Variants in EXOC6B observed in about 807,000 individuals in gnomAD.
EXOC6B encodes the protein exocyst complex component 6B.
In EXOC6B, 54 loss-of-function variants were observed where a neutral mutation model predicts 113.5. That is an observed-to-expected ratio of 0.48 (90% CI 0.38 to 0.60). The LOEUF (loss-of-function observed/expected upper bound fraction) is 0.60, where lower values mean the gene tolerates loss of function less well. Ranked by LOEUF, EXOC6B falls within the 20% of genes least tolerant of loss-of-function variation. EXOC6B has a pLI of 0.00. For missense variants in EXOC6B, 797 were observed against 977.5 expected, an observed-to-expected ratio of 0.82 and a Z score of 2.46; for synonymous variants, 357 against 339.0, an observed-to-expected ratio of 1.05 and a Z score of -0.58.
At chr2:72,558,898 G>A (rs13008258) in intron 8 of EXOC6B, among the ~76,000 whole-genome samples, 129,306 of 152,182 alleles carry the variant, frequency 0.85, 55,503 homozygotes, top group East Asian at 0.99. Context: ...AAAAAAAATC[G>A]ATAATAGGCT....
intron 6 of EXOC6B, among the ~76,000 whole-genome samples, chr2:72,696,085 T>C (rs1389592957): frequency 2.0e-5 from 3 of 152,242 alleles, no homozygotes; most frequent in Non-Finnish European, 2.9e-5. Context: ...AATGATACCC[T>C]TCCTTACTCT....
intron 5 of EXOC6B, among the ~76,000 whole-genome samples, chr2:72,724,181 T>C (rs1680169752): frequency 6.6e-6 from 1 of 151,908 alleles, no homozygotes; most frequent in Non-Finnish European, 1.5e-5. Flanking sequence ...AAATTCCACA[T>C]GGATAGGTAA....
rs555244594 is a variant in EXOC6B, at chr2:72,705,719, A to G, written c.669+12384T>C. ...TCTGCACACACACTCATGCATGCGC[A>G]CACACACACACACACCCAATAAAAA... On this transcript the variant is annotated intron_variant, in intron 6 of 21. Coordinates refer to ENST00000272427, the MANE Select transcript of EXOC6B (RefSeq NM_015189.3). Among the ~76,000 whole-genome samples, 16 of 151,542 alleles carry G rather than the reference A, an allele frequency of 1.1e-4. No homozygotes were observed. The South Asian group carries it at 1.5e-3, about 14-fold the overall frequency.
intron 1 of EXOC6B, among the ~76,000 whole-genome samples, chr2:72,774,910 T>C (rs1683610646): frequency 6.6e-6 from 1 of 152,198 alleles, no homozygotes; most frequent in Admixed American, 6.5e-5. Context: ...CTCCCCTCCC[T>C]ACCAGGTTCA....
At chr2:72,566,516 T>C (rs1393488037) in intron 7 of EXOC6B, among the ~76,000 whole-genome samples, 1 of 152,142 alleles carries the variant, frequency 6.6e-6, no homozygotes, top group African/African-American at 2.4e-5. Flanking sequence ...TGAGTGAATA[T>C]GCTGGTTCAA....
At chr2:72,414,749 T>A (rs7604296) in intron 18 of EXOC6B, among the ~76,000 whole-genome samples, 32,132 of 152,186 alleles carry the variant, frequency 0.21, 6,429 homozygotes, top group African/African-American at 0.53. Flanking sequence ...AATACGATAC[T>A]CAACTCTACA....
At chr2:72,781,865 G>C (rs552130410) in intron 1 of EXOC6B, among the ~76,000 whole-genome samples, 1 of 152,020 alleles carries the variant, frequency 6.6e-6, no homozygotes, top group African/African-American at 2.4e-5. Context: ...TAGGCCAGGC[G>C]CAGTGGTTCG....
At chr2:72,459,615 G>A (rs1051307856) in intron 18 of EXOC6B, among the ~76,000 whole-genome samples, 57 of 152,054 alleles carry the variant, frequency 3.7e-4, no homozygotes, top group Admixed American at 5.9e-4. Flanking sequence ...ATTGCTTCAA[G>A]GAGAATAAAA....
chr2:72,599,857 G>A (rs1302179675), intron 6 of EXOC6B, among the ~76,000 whole-genome samples: 4 of 151,106 alleles, frequency 2.6e-5, no homozygotes, highest in Admixed American at 6.6e-5. Context: ...AAACCTATAC[G>A]AGGAAAACTA....
chr2:72,680,325 A>C (rs1475751475), intron 6 of EXOC6B, among the ~76,000 whole-genome samples: 1 of 152,204 alleles, frequency 6.6e-6, no homozygotes, highest in African/African-American at 2.4e-5. Context: ...ACTTCTCTTT[A>C]CCTATTTCCT....
chr2:72,272,193 G>A (rs773308139), intron 20 of EXOC6B, among the ~76,000 whole-genome samples: 4 of 152,138 alleles, frequency 2.6e-5, no homozygotes, highest in Non-Finnish European at 5.9e-5. Flanking sequence ...GTGCCAGGGG[G>A]TCACTAGGAG....
chr2:72,686,854 G>A lies in EXOC6B; in HGVS notation c.669+31249C>T, dbSNP rs545079927. Among the ~76,000 whole-genome samples, 26 of 152,052 alleles carry A rather than the reference G, an allele frequency of 1.7e-4. No individual in the cohort carries two copies. In the South Asian group the frequency reaches 3.7e-3, roughly 22 times the overall value. On this transcript the variant is annotated intron_variant, in intron 6 of 21. Coordinates refer to ENST00000272427, the MANE Select transcript of EXOC6B (RefSeq NM_015189.3). ...ACATACTAAAAATCATAAAACCTTC[G>A]CTTCAGCTGGGCGGTGGCTCATGTC... is the stretch of plus-strand genomic sequence containing the variant.
At chr2:72,228,269 T>C (rs1174531052) in intron 20 of EXOC6B, among the ~76,000 whole-genome samples, 1 of 151,726 alleles carries the variant, frequency 6.6e-6, no homozygotes, top group East Asian at 1.9e-4. Context: ...ATCTCAGGTT[T>C]CTTTTTTTTT....
chr2:72,779,039 CAT>C (rs1300342150), intron 1 of EXOC6B, among the ~76,000 whole-genome samples: 1 of 151,880 alleles, frequency 6.6e-6, no homozygotes. Flanking sequence ...AACAATAGCT[CAT>C]GTTTCTTCCA....
intron 1 of EXOC6B, among the ~76,000 whole-genome samples, chr2:72,788,412 G>T (rs529828929): frequency 6.6e-6 from 1 of 152,264 alleles, no homozygotes; most frequent in South Asian, 2.1e-4. Flanking sequence ...GGAAAGTGGG[G>T]TTCTTTTTTT....
chr2:72,657,624 G>A (rs1228631639), intron 6 of EXOC6B, among the ~76,000 whole-genome samples: 2 of 122,008 alleles, frequency 1.6e-5, no homozygotes, highest in East Asian at 4.6e-4. Context: ...CTCCTGGCTG[G>A]AATATGGGTA....
intron 6 of EXOC6B, among the ~76,000 whole-genome samples, chr2:72,668,608 C>T (rs1448927981): frequency 6.6e-6 from 1 of 152,176 alleles, no homozygotes; most frequent in Non-Finnish European, 1.5e-5. Flanking sequence ...AAAATTATAT[C>T]CTTTGCAGCA....
At chr2:72,720,481 C>T (rs1043401957) in intron 5 of EXOC6B, among the ~76,000 whole-genome samples, 1 of 152,196 alleles carries the variant, frequency 6.6e-6, no homozygotes, top group Non-Finnish European at 1.5e-5. Context: ...GGCACAGTGG[C>T]TCATACCTAT....
intron 1 of EXOC6B, among the ~76,000 whole-genome samples, chr2:72,784,438 T>A (rs1684255609): frequency 6.6e-6 from 1 of 152,170 alleles, no homozygotes; most frequent in Non-Finnish European, 1.5e-5. Context: ...TTGGGTAGTG[T>A]ATTAGTCCAT....
Sources: allele counts gnomAD v4.1 joint callset (sites outside exome capture counted in the v4.1 genomes callset), GRCh38; gene constraint gnomAD v4.1.1; transcripts MANE v1.5; gene names NCBI Gene and HGNC (gene_info 2026-07-23, HGNC 2026-07-21).